The following PVT1 variants were observed in gnomAD, a reference collection of about 807,000 sequenced individuals.
The protein encoded by PVT1 is Pvt1 oncogene, also known as CXCR4/PVT1 fusion.
At chr8:127,860,326 A>G (rs1363418358) in intron 2 of PVT1, among the ~76,000 whole-genome samples, 1 of 152,200 alleles carries the variant, frequency 6.6e-6, no homozygotes, top group Non-Finnish European at 1.5e-5. Context: ...AGTCTTCTCG[A>G]AGGCATCTTC....
At chr8:128,036,443 G>A (rs545883093) in intron 4 of PVT1, among the ~76,000 whole-genome samples, 35 of 152,328 alleles carry the variant, frequency 2.3e-4, no homozygotes, top group Admixed American at 1.4e-3. Context: ...TCACAATGCA[G>A]GGCAATGTCT....
chr8:127,936,939 CTG>C (rs1185542398), intron 3 of PVT1, among the ~76,000 whole-genome samples: 3 of 152,244 alleles, frequency 2.0e-5, no homozygotes, highest in African/African-American at 4.8e-5. Flanking sequence ...TGAAGCATAA[CTG>C]TGTATGTTCA....
intron 4 of PVT1, among the ~76,000 whole-genome samples, chr8:127,990,019 G>T (rs1817015028): frequency 6.6e-6 from 1 of 152,204 alleles, no homozygotes; most frequent in South Asian, 2.1e-4. Flanking sequence ...AAAGGGAAGA[G>T]AGTTTTTGCA....
At chr8:127,884,332 G>A (rs889533476) in intron 2 of PVT1, among the ~76,000 whole-genome samples, 2 of 152,164 alleles carry the variant, frequency 1.3e-5, no homozygotes, top group Non-Finnish European at 2.9e-5. Flanking sequence ...CTCACTGGTC[G>A]CTAGATTGTG....
chr8:127,965,033 A>G (rs1002926955), intron 3 of PVT1, among the ~76,000 whole-genome samples: 1 of 152,078 alleles, frequency 6.6e-6, no homozygotes, highest in Non-Finnish European at 1.5e-5. Flanking sequence ...TTCTAAGGGC[A>G]ATATCTTTTT....
intron 3 of PVT1, chr8:127,946,684 C>A (rs1378177299): frequency 6.5e-6 from 1 of 154,336 alleles, no homozygotes; most frequent in Non-Finnish European, 1.5e-5. Context: ...AAACTGAGTA[C>A]AAAGTGATAG....
chr8:127,857,239 ATAG>A (rs1482627308), intron 2 of PVT1, among the ~76,000 whole-genome samples: 3 of 152,116 alleles, frequency 2.0e-5, no homozygotes, highest in Non-Finnish European at 4.4e-5. Flanking sequence ...AATAATAATA[ATAG>A]TAATATAATA....
chr8:127,984,550 G>A (rs768008275), intron 3 of PVT1, among the ~76,000 whole-genome samples: 13 of 152,236 alleles, frequency 8.5e-5, no homozygotes, highest in Non-Finnish European at 1.3e-4. Flanking sequence ...TGAGCACTCT[G>A]CAGACACTGC....
At chr8:128,091,970 G>A (rs2130169047) in intron 5 of PVT1, among the ~76,000 whole-genome samples, 1 of 152,280 alleles carries the variant, frequency 6.6e-6, no homozygotes, top group East Asian at 1.9e-4. Context: ...GTGGGAATAT[G>A]AGAGGAGTTT....
At chr8:127,874,883 G>T (rs923891894) in intron 2 of PVT1, among the ~76,000 whole-genome samples, 3 of 151,374 alleles carry the variant, frequency 2.0e-5, no homozygotes, top group Admixed American at 2.0e-4. Flanking sequence ...CCCTCGCTCT[G>T]CAGTCTTGGT....
chr8:127,845,051 C>T (rs139968747), intron 2 of PVT1, among the ~76,000 whole-genome samples: 46 of 152,214 alleles, frequency 3.0e-4, no homozygotes, highest in African/African-American at 1.0e-3. Flanking sequence ...CCTGGGACAG[C>T]GCCTGGAACC....
chr8:127,863,138 G>A (rs1443196272), intron 2 of PVT1, among the ~76,000 whole-genome samples: 1 of 151,184 alleles, frequency 6.6e-6, no homozygotes, highest in Non-Finnish European at 1.5e-5. Context: ...CCGAGACCGT[G>A]TCTTGCTCTG....
chr8:128,013,402 G>A (rs1198749708), intron 4 of PVT1, among the ~76,000 whole-genome samples: 1 of 150,958 alleles, frequency 6.6e-6, no homozygotes, highest in African/African-American at 2.4e-5. Context: ...TTTTCCCCCT[G>A]GCAGAGTTAG....
intron 4 of PVT1, among the ~76,000 whole-genome samples, chr8:127,997,405 A>G (rs1563661071): frequency 6.6e-6 from 1 of 152,144 alleles, no homozygotes; most frequent in Non-Finnish European, 1.5e-5. Context: ...GATGGCCGCC[A>G]TAGTCCCTCC....
At chr8:127,930,800 G>A (rs896698437) in intron 3 of PVT1, among the ~76,000 whole-genome samples, 16 of 152,170 alleles carry the variant, frequency 1.1e-4, no homozygotes, top group African/African-American at 2.7e-4. Flanking sequence ...TTTCAGGTTC[G>A]TGATGATATC....
At chr8:128,101,120 C>G (rs1277347509) in intron 6 of PVT1, 3 of 152,290 alleles carry the variant, frequency 2.0e-5, no homozygotes, top group African/African-American at 7.2e-5. Flanking sequence ...CACCTGTTAC[C>G]TGTCCACCCC....
intron 2 of PVT1, among the ~76,000 whole-genome samples, chr8:127,843,504 G>C (rs564224769): frequency 6.6e-6 from 1 of 151,918 alleles, no homozygotes; most frequent in South Asian, 2.1e-4. Flanking sequence ...GTGCAGTGGC[G>C]CGGTCTCGGC....
chr8:127,922,788 A>G (rs1273894069), intron 3 of PVT1, among the ~76,000 whole-genome samples: 1 of 152,162 alleles, frequency 6.6e-6, no homozygotes, highest in Non-Finnish European at 1.5e-5. Flanking sequence ...TTACTTCCAG[A>G]CCAACTGGTG....
intron 2 of PVT1, among the ~76,000 whole-genome samples, chr8:127,831,904 G>T (rs1423679836): frequency 6.6e-6 from 1 of 152,210 alleles, no homozygotes; most frequent in Non-Finnish European, 1.5e-5. Context: ...ATTGCCTTTT[G>T]CTCTTTGCTT....
Sources: allele counts gnomAD v4.1 joint callset (sites outside exome capture counted in the v4.1 genomes callset), GRCh38; gene constraint gnomAD v4.1.1; transcripts MANE v1.5; gene names NCBI Gene and HGNC (gene_info 2026-07-23, HGNC 2026-07-21).